WWOX: variants seen among roughly 807,000 people sequenced by gnomAD.
The protein encoded by WWOX is WW domain-containing oxidoreductase.
In WWOX, 69 loss-of-function variants were observed where a neutral mutation model predicts 46.2. That is an observed-to-expected ratio of 1.49 (90% CI 1.23 to 1.82). The LOEUF (loss-of-function observed/expected upper bound fraction) is 1.82, where lower values mean the gene tolerates loss of function less well. Ranked by LOEUF, WWOX falls within the 40% of genes most tolerant of loss-of-function variation. The probability of loss-of-function intolerance (pLI) is 0.00; values close to 1 mark genes in which losing one functional copy is unlikely to be tolerated. For missense variants in WWOX, 919 were observed against 542.6 expected, an observed-to-expected ratio of 1.69 and a Z score of -6.89; for synonymous variants, 359 against 202.6, an observed-to-expected ratio of 1.77 and a Z score of -6.56.
intron 8 of WWOX, among the ~76,000 whole-genome samples, chr16:79,201,918 T>C (rs552455432): frequency 2.2e-4 from 34 of 152,350 alleles, no homozygotes; most frequent in Non-Finnish European, 1.3e-4. Flanking sequence ...GAATTTTCAT[T>C]TGATCAAATC....
chr16:78,419,414 G>C (rs969858503), intron 6 of WWOX, among the ~76,000 whole-genome samples: 37 of 151,966 alleles, frequency 2.4e-4, no homozygotes, highest in African/African-American at 8.7e-4. Context: ...AATAAAGACA[G>C]TGTCATATTG....
intron 5 of WWOX, among the ~76,000 whole-genome samples, chr16:78,324,840 A>G (rs773675088): frequency 5.3e-5 from 8 of 152,084 alleles, no homozygotes; most frequent in Non-Finnish European, 1.0e-4. Flanking sequence ...ATGTTTTGCA[A>G]TTGTCTGTGT....
At chr16:79,174,060 ACAG>A (rs1477409897) in intron 8 of WWOX, among the ~76,000 whole-genome samples, 1 of 152,218 alleles carries the variant, frequency 6.6e-6, no homozygotes, top group Non-Finnish European at 1.5e-5. Flanking sequence ...GTGCTCACAT[ACAG>A]TCAGAATGTT....
intron 8 of WWOX, among the ~76,000 whole-genome samples, chr16:79,141,779 G>C (rs1229555027): frequency 6.6e-6 from 1 of 152,064 alleles, no homozygotes; most frequent in Non-Finnish European, 1.5e-5. Flanking sequence ...ACTCTCCATT[G>C]CTTCTTGGTG....
intron 8 of WWOX, among the ~76,000 whole-genome samples, chr16:78,530,239 C>T (rs1016116344): frequency 1.3e-5 from 2 of 152,148 alleles, no homozygotes; most frequent in African/African-American, 4.8e-5. Context: ...GTTTTGCCAT[C>T]CACGGACGGC....
At chr16:78,770,127 C>G (rs906507801) in intron 8 of WWOX, among the ~76,000 whole-genome samples, 1 of 151,916 alleles carries the variant, frequency 6.6e-6, no homozygotes, top group Non-Finnish European at 1.5e-5. Flanking sequence ...CGAGGTGGGC[C>G]AATCACTGAG....
intron 8 of WWOX, among the ~76,000 whole-genome samples, chr16:79,005,362 G>C (rs2047170611): frequency 1.3e-5 from 2 of 152,166 alleles, no homozygotes; most frequent in South Asian, 2.1e-4. Context: ...ACAGAAATGA[G>C]GTAGCTGTAG....
chr16:78,949,474 C>G (rs933217658), intron 8 of WWOX, among the ~76,000 whole-genome samples: 1 of 152,148 alleles, frequency 6.6e-6, no homozygotes, highest in Non-Finnish European at 1.5e-5. Context: ...ACACTCAGCT[C>G]CCTGCATTCA....
At chr16:78,859,202 A>G (rs1057478400) in intron 8 of WWOX, among the ~76,000 whole-genome samples, 1 of 151,566 alleles carries the variant, frequency 6.6e-6, no homozygotes, top group Non-Finnish European at 1.5e-5. Context: ...GAAGGGGCCT[A>G]AAATGAGTTC....
chr16:78,427,530 A>ACACG (rs1239432491), intron 7 of WWOX, among the ~76,000 whole-genome samples: 4 of 147,586 alleles, frequency 2.7e-5, no homozygotes, highest in East Asian at 1.9e-4. Context: ...AATCACACAT[A>ACACG]CACGCACGCA....
At chr16:78,998,026 G>A (rs1305566621) in intron 8 of WWOX, among the ~76,000 whole-genome samples, 1 of 152,050 alleles carries the variant, frequency 6.6e-6, no homozygotes, top group Non-Finnish European at 1.5e-5. Flanking sequence ...ACAGGCATGC[G>A]CCACCATACC....
intron 8 of WWOX, among the ~76,000 whole-genome samples, chr16:78,820,147 C>A (rs537704111): frequency 6.6e-6 from 1 of 152,232 alleles, no homozygotes; most frequent in East Asian, 1.9e-4. Flanking sequence ...TGCACAATGA[C>A]CCTGTCCCTG....
rs138840835 is a variant in WWOX, at chr16:78,471,277, A to G, written c.1056+38525A>G. 4.6e-5 allele frequency among the ~76,000 whole-genome samples: 7 copies of G among 152,326 alleles called. No individual in the cohort carries two copies. In the East Asian group the frequency reaches 9.6e-4, roughly 21 times the overall value. On this transcript the variant is annotated intron_variant, in intron 8 of 8. Transcript: ENST00000566780. ...TCTTGAGCTGCTAATAAACATTCTG[A>G]TGCAAACATGGAATACAGATTTCAG... is the stretch of plus-strand genomic sequence containing the variant.
At position 78,632,513 on chromosome 16, in the gene WWOX, C is replaced by A. The variant is rs1248098238; in HGVS notation, c.1056+199761C>A. On this transcript the variant is annotated intron_variant, in intron 8 of 8. Coordinates refer to ENST00000566780, the MANE Select transcript of WWOX (RefSeq NM_016373.4). ...AGGTGTTGATAGAACCCCTTAGTGT[C>A]CTCCTCATACCACAGACACTCTCTT... Among the ~76,000 whole-genome samples the A allele has an allele frequency of 2.0e-5, 3 of 149,910 alleles. No individual in the cohort carries two copies. The East Asian group carries it at 5.9e-4, about 29-fold the overall frequency.
At chr16:78,534,132 A>G (rs375890584) in intron 8 of WWOX, among the ~76,000 whole-genome samples, 3 of 152,186 alleles carry the variant, frequency 2.0e-5, no homozygotes, top group African/African-American at 4.8e-5. Flanking sequence ...TAATAGCGCT[A>G]TCTGGCTACT....
chr16:78,357,762 T>A (rs1158207584), intron 5 of WWOX, among the ~76,000 whole-genome samples: 6 of 152,210 alleles, frequency 3.9e-5, no homozygotes, highest in African/African-American at 7.2e-5. Context: ...ATTTATAGCT[T>A]GCTGCACTCT....
chr16:78,920,647 T>G (rs924835791), intron 8 of WWOX, among the ~76,000 whole-genome samples: 4 of 152,184 alleles, frequency 2.6e-5, no homozygotes, highest in Non-Finnish European at 4.4e-5. Flanking sequence ...CTGACCTGCT[T>G]GATTCATGTC....
At chr16:78,375,658 A>G (rs1262868074) in intron 5 of WWOX, among the ~76,000 whole-genome samples, 1 of 152,158 alleles carries the variant, frequency 6.6e-6, no homozygotes, top group Non-Finnish European at 1.5e-5. Context: ...GTAAAAAGCT[A>G]TCAAAATTTA....
chr16:78,209,674 G>A (rs117395021), intron 5 of WWOX, among the ~76,000 whole-genome samples: 4,424 of 151,228 alleles, frequency 0.029, 111 homozygotes, highest in Non-Finnish European at 0.048. Flanking sequence ...GTATCCTCTA[G>A]TCTGAGCCTT....
Sources: gnomAD v4.1 joint callset for allele counts (sites outside exome capture counted in the v4.1 genomes callset) on GRCh38, gnomAD v4.1.1 for gene constraint, MANE v1.5 for transcripts, NCBI Gene and HGNC (gene_info 2026-07-23, HGNC 2026-07-21) for gene names.